The following SGCZ variants were observed in gnomAD, a reference collection of about 807,000 sequenced individuals.
SGCZ encodes zeta-sarcoglycan.
Under a neutral mutation model 41.3 loss-of-function variants are expected in SGCZ, and 40 were observed. The ratio of observed to expected loss-of-function variants is 0.97; its 90% CI spans 0.75 to 1.26. The LOEUF is 1.26. Among genes scored for constraint, SGCZ ranks in the 50% most tolerant of loss-of-function variants. The probability of loss-of-function intolerance (pLI) is 0.00; values close to 1 mark genes in which losing one functional copy is unlikely to be tolerated. For missense variants in SGCZ, 552 were observed against 369.8 expected (o/e 1.49, Z -4.04); for synonymous variants, 206 against 137.5 (o/e 1.50, Z -3.49).
intron 1 of SGCZ, among the ~76,000 whole-genome samples, chr8:15,158,991 G>C (rs894637954): frequency 6.6e-6 from 1 of 152,136 alleles, no homozygotes; most frequent in African/African-American, 2.4e-5. Flanking sequence ...GATGGTTTTT[G>C]TCTGCAAATG....
intron 2 of SGCZ, among the ~76,000 whole-genome samples, chr8:14,443,008 A>C (rs906453970): frequency 1.5e-4 from 23 of 152,218 alleles, no homozygotes; most frequent in South Asian, 4.2e-4. Flanking sequence ...CATTCTTATA[A>C]ACCAATAACA....
At chr8:14,678,546 T>C (rs1808345268) in intron 1 of SGCZ, among the ~76,000 whole-genome samples, 1 of 152,194 alleles carries the variant, frequency 6.6e-6, no homozygotes, top group African/African-American at 2.4e-5. Flanking sequence ...CAAATGCTAG[T>C]AAGGATGTGG....
intron 1 of SGCZ, among the ~76,000 whole-genome samples, chr8:14,796,978 AG>A (rs1198715297): frequency 1.3e-5 from 2 of 152,224 alleles, no homozygotes; most frequent in Admixed American, 1.3e-4. Context: ...ATGCCTCCCC[AG>A]CCGTGCTGAA....
chr8:14,806,734 A>G lies in SGCZ; in HGVS notation c.40-251808T>C, dbSNP rs1228380298. On this transcript the variant is annotated intron_variant, in intron 1 of 7. Transcript: ENST00000382080. ...GACTCCTCCCTAACTCATTTTAGGG[A>G]GTTAGCATCATTCTGATACCAAAGC... is the stretch of plus-strand genomic sequence containing the variant. Among the ~76,000 whole-genome samples the G allele has an allele frequency of 2.0e-5, 3 of 152,308 alleles. No individual in the cohort carries two copies. In the East Asian group the frequency reaches 5.8e-4, roughly 29 times the overall value.
chr8:14,090,708 C>G, intron 7 of SGCZ, 71 bp from the exon 8 acceptor site: 1 of 1,321,728 alleles, frequency 7.6e-7, no homozygotes. Context: ...CATCCCTCCT[C>G]AACATGGTCT....
chr8:15,013,863 G>C (rs1319044505), intron 1 of SGCZ, among the ~76,000 whole-genome samples: 3 of 152,160 alleles, frequency 2.0e-5, no homozygotes, highest in Admixed American at 6.5e-5. Context: ...GGGAAGCATA[G>C]AGACAAAGCA....
In SGCZ at chr8:14,536,120, T is replaced by C. The variant is rs183286243; in HGVS notation, c.234+18612A>G. Among the ~76,000 whole-genome samples the C allele has an allele frequency of 3.1e-4, 47 of 152,030 alleles. 1 individual carries two copies. The East Asian group carries it at 8.5e-3, about 28-fold the overall frequency. On this transcript the variant is annotated intron_variant, in intron 2 of 7. Transcript: ENST00000382080. ...TCTCAAAATGCCTAGAAATTCTGCATTTTGTTTAGCATATACATATGAAAA... is the reference window on the plus strand; with the variant it reads ...TCTCAAAATGCCTAGAAATTCTGCACTTTGTTTAGCATATACATATGAAAA...
intron 1 of SGCZ, among the ~76,000 whole-genome samples, chr8:15,071,007 G>C (rs1805331581): frequency 6.6e-6 from 1 of 152,082 alleles, no homozygotes. Context: ...AATAATGTTA[G>C]GCAACTTCCC....
chr8:14,316,448 T>C (rs1387429083), intron 3 of SGCZ, among the ~76,000 whole-genome samples: 1 of 151,926 alleles, frequency 6.6e-6, no homozygotes, highest in Non-Finnish European at 1.5e-5. Context: ...TCTACAAATA[T>C]GTGAAAAAAC....
At chr8:14,353,518 A>G (rs1585397804) in intron 2 of SGCZ, among the ~76,000 whole-genome samples, 1 of 152,082 alleles carries the variant, frequency 6.6e-6, no homozygotes, top group African/African-American at 2.4e-5. Flanking sequence ...TGTCTTCCCC[A>G]TTCCAAGCCT....
chr8:14,634,098 G>T (rs1806748445), intron 1 of SGCZ, among the ~76,000 whole-genome samples: 1 of 151,708 alleles, frequency 6.6e-6, no homozygotes, highest in Non-Finnish European at 1.5e-5. Context: ...TCAGTTTAAA[G>T]AAACCAGCTA....
chr8:14,911,234 C>T (rs1396659036), intron 1 of SGCZ, among the ~76,000 whole-genome samples: 4 of 152,150 alleles, frequency 2.6e-5, no homozygotes, highest in Non-Finnish European at 5.9e-5. Context: ...CCACATCTGG[C>T]TTCATTAGAA....
At position 14,457,568 on chromosome 8, in the gene SGCZ, G is replaced by C. The variant is rs565769976; in HGVS notation, c.234+97164C>G. On this transcript the variant is annotated intron_variant, in intron 2 of 7. Coordinates refer to ENST00000382080, the MANE Select transcript of SGCZ (RefSeq NM_139167.4). ...TCTCCCTGTGATGCTGTGCTTCAGT[G>C]GTCACGCTCCTAGTCCGCCTTCATG... is the stretch of plus-strand genomic sequence containing the variant. Among the ~76,000 whole-genome samples the C allele has an allele frequency of 2.0e-5, 3 of 152,318 alleles. No individual in the cohort carries two copies. The South Asian group carries it at 6.2e-4, about 32-fold the overall frequency.
rs113849780 is a variant in SGCZ, at chr8:14,380,659, C to G, written c.235-56455G>C. Reference sequence around the variant, plus strand: ...GTCAGGTCAACAGGTCGAGACCACCCTGGCCAACATGGTGAATCCCAGTCT... The same window carrying G: ...GTCAGGTCAACAGGTCGAGACCACCGTGGCCAACATGGTGAATCCCAGTCT... On this transcript the variant is annotated intron_variant, in intron 2 of 7. Coordinates refer to ENST00000382080, the MANE Select transcript of SGCZ (RefSeq NM_139167.4). Among the ~76,000 whole-genome samples the G allele has an allele frequency of 4.6e-5, 7 of 152,216 alleles. 1 individual carries two copies. The highest frequency in any genetic ancestry group is 1.7e-4 in the African/African-American group (7 of 41,528).
intron 2 of SGCZ, among the ~76,000 whole-genome samples, chr8:14,420,304 T>C (rs61409600): frequency 0.018 from 2,772 of 152,176 alleles, 76 homozygotes; most frequent in African/African-American, 0.063. Context: ...TTTTATATTA[T>C]AACTTACTCA....
intron 1 of SGCZ, among the ~76,000 whole-genome samples, chr8:14,807,015 T>C (rs1194571966): frequency 6.6e-6 from 1 of 152,074 alleles, no homozygotes; most frequent in Non-Finnish European, 1.5e-5. Context: ...GAAAAGGCCT[T>C]TGACAAAATT....
At chr8:14,120,507 G>C (rs1802665186) in intron 5 of SGCZ, among the ~76,000 whole-genome samples, 1 of 151,990 alleles carries the variant, frequency 6.6e-6, no homozygotes, top group Non-Finnish European at 1.5e-5. Flanking sequence ...TATTTGGCTA[G>C]AATCACCACT....
intron 1 of SGCZ, among the ~76,000 whole-genome samples, chr8:14,631,883 T>G (rs1806667191): frequency 6.6e-6 from 1 of 152,176 alleles, no homozygotes; most frequent in Admixed American, 6.6e-5. Flanking sequence ...ATACACTATT[T>G]GTATAATACT....
chr8:14,817,807 C>G (rs1482072879), intron 1 of SGCZ, among the ~76,000 whole-genome samples: 2 of 152,186 alleles, frequency 1.3e-5, no homozygotes, highest in East Asian at 3.9e-4. Flanking sequence ...AACCAGCACA[C>G]AGCTACATCC....
Sources: allele counts gnomAD v4.1 joint callset (sites outside exome capture counted in the v4.1 genomes callset), GRCh38; gene constraint gnomAD v4.1.1; transcripts MANE v1.5; gene names NCBI Gene and HGNC (gene_info 2026-07-23, HGNC 2026-07-21).